The following SLC38A12 variants were observed in gnomAD, a reference collection of about 807,000 sequenced individuals.
SLC38A12 encodes putative sodium-coupled neutral amino acid transporter 12.
the SLC38A12 span, chr17:74,839,045 A>G: frequency 1.3e-6 from 2 of 1,535,718 alleles, no homozygotes; most frequent in Non-Finnish European, 1.7e-6. Context: ...AGGCCAGGTC[A>G]AGGTGGGAGT....
chr17:74,813,448 C>T, the SLC38A12 span, among the ~76,000 whole-genome samples: 4 of 152,178 alleles, frequency 2.6e-5, no homozygotes, highest in Non-Finnish European at 4.4e-5. Context: ...CACTTCAGCC[C>T]CTCATTCTCC....
At chr17:74,818,263 G>C in the SLC38A12 span, among the ~76,000 whole-genome samples, 1 of 152,108 alleles carries the variant, frequency 6.6e-6, no homozygotes, top group African/African-American at 2.4e-5. Flanking sequence ...CATCCCCCAA[G>C]CCTGATAGAA....
chr17:74,806,492 C>T, the SLC38A12 span, among the ~76,000 whole-genome samples: 106 of 152,296 alleles, frequency 7.0e-4, 1 homozygote, highest in African/African-American at 2.4e-3. Flanking sequence ...GCCAGTAAGC[C>T]ACGCCTGTAG....
chr17:74,824,175 G>A, the SLC38A12 span, among the ~76,000 whole-genome samples: 1 of 152,200 alleles, frequency 6.6e-6, no homozygotes, highest in African/African-American at 2.4e-5. Context: ...CAGCCTCTCT[G>A]TTGCCACATC....
At chr17:74,829,000 T>G in the SLC38A12 span, among the ~76,000 whole-genome samples, 28 of 152,270 alleles carry the variant, frequency 1.8e-4, no homozygotes, top group African/African-American at 6.3e-4. Context: ...AGTTTTTAAT[T>G]TTTAGTAGTG....
the SLC38A12 span, among the ~76,000 whole-genome samples, chr17:74,811,346 A>AT: frequency 6.6e-6 from 1 of 152,114 alleles, no homozygotes; most frequent in Admixed American, 6.5e-5. Context: ...CCAAAAAAAA[A>AT]CAAACAAAAA....
the SLC38A12 span, among the ~76,000 whole-genome samples, chr17:74,810,465 C>T: frequency 2.0e-5 from 3 of 152,342 alleles, no homozygotes; most frequent in Non-Finnish European, 2.9e-5. Flanking sequence ...TGGGCTAACA[C>T]TAATCACTGC....
chr17:74,838,983 A>T, the SLC38A12 span: 1 of 1,535,556 alleles, frequency 6.5e-7, no homozygotes, highest in African/African-American at 1.4e-5. Context: ...CTTAAACTCA[A>T]CAGCCTCTAC....
chr17:74,836,739 C>G, the SLC38A12 span: 1 of 1,526,568 alleles, frequency 6.6e-7, no homozygotes, highest in Non-Finnish European at 8.8e-7. This position sits in a 1 kb window ranked among gnomAD's most constrained non-coding sequence, Gnocchi z 4.2. Flanking sequence ...CCAGCCCCAC[C>G]CCTCGCCCGC....
chr17:74,784,373 A>ATGG, the SLC38A12 span, among the ~76,000 whole-genome samples: 1 of 152,202 alleles, frequency 6.6e-6, no homozygotes, highest in Non-Finnish European at 1.5e-5. Flanking sequence ...TAGCCACTAA[A>ATGG]GAAGCTCCAG....
the SLC38A12 span, among the ~76,000 whole-genome samples, chr17:74,834,384 ATCT>A: frequency 5.4e-4 from 82 of 151,922 alleles, no homozygotes; most frequent in Non-Finnish European, 4.3e-4. Flanking sequence ...GAAACAAATC[ATCT>A]TCTTTACCGG....
chr17:74,785,650 G>A, the SLC38A12 span: 1 of 1,595,586 alleles, frequency 6.3e-7, no homozygotes. Context: ...AGTGGAGCAG[G>A]AGGGAGTCAG....
chr17:74,789,883 A>G, the SLC38A12 span, among the ~76,000 whole-genome samples: 19 of 146,158 alleles, frequency 1.3e-4, no homozygotes, highest in African/African-American at 4.8e-4. Flanking sequence ...CAGGTTTGCC[A>G]TTGTCCTAGG....
chr17:74,826,507 C>G, the SLC38A12 span, among the ~76,000 whole-genome samples: 718 of 152,364 alleles, frequency 4.7e-3, 6 homozygotes, highest in African/African-American at 0.016. Context: ...GCTTTAGATT[C>G]CCTCCTTTCA....
chr17:74,836,390 C>T, the SLC38A12 span: 56 of 1,611,764 alleles, frequency 3.5e-5, no homozygotes, highest in East Asian at 1.2e-3. This position sits in a 1 kb window ranked among gnomAD's most constrained non-coding sequence, Gnocchi z 4.2. Flanking sequence ...TGGACCGCGT[C>T]GTGTTTCCCA....
chr17:74,800,485 T>G, the SLC38A12 span, among the ~76,000 whole-genome samples: 2 of 152,382 alleles, frequency 1.3e-5, no homozygotes, highest in Non-Finnish European at 2.9e-5. Flanking sequence ...TCAGCCACTG[T>G]GCCCTGGGGC....
the SLC38A12 span, chr17:74,837,152 G>A: frequency 2.9e-5 from 29 of 987,956 alleles, no homozygotes; most frequent in Middle Eastern, 5.2e-4. Context: ...CTTCAGAGGC[G>A]AATCCCAGGC....
the SLC38A12 span, among the ~76,000 whole-genome samples, chr17:74,829,281 G>A: frequency 1.3e-5 from 2 of 152,160 alleles, no homozygotes; most frequent in East Asian, 3.9e-4. This position sits in a 1 kb window ranked among gnomAD's most constrained non-coding sequence, Gnocchi z 4.1. Flanking sequence ...CCGCCACCAT[G>A]TCCGGCTAAT....
chr17:74,802,701 G>T, the SLC38A12 span, among the ~76,000 whole-genome samples: 1 of 152,304 alleles, frequency 6.6e-6, no homozygotes, highest in Admixed American at 6.5e-5. Flanking sequence ...ATTCCAGTGA[G>T]CATTTCCTTT....
Sources: allele counts gnomAD v4.1 joint callset (sites outside exome capture counted in the v4.1 genomes callset), GRCh38; gene constraint gnomAD v4.1.1; non-coding constraint Gnocchi (gnomAD v3.1); transcripts MANE v1.5; gene names NCBI Gene and HGNC (gene_info 2026-07-23, HGNC 2026-07-21).